Variants in PDE4B observed in about 807,000 individuals in gnomAD.
The protein encoded by PDE4B is 3',5'-cyclic-AMP phosphodiesterase 4B.
PDE4B carries 20 observed loss-of-function variants against 82.2 expected under a neutral mutation model. That is an observed-to-expected ratio of 0.24 (90% CI 0.17 to 0.35). PDE4B has a LOEUF of 0.35. Among genes scored for constraint, PDE4B ranks in the 10% least tolerant of loss-of-function variants. PDE4B has a pLI of 1.00. For synonymous variants in PDE4B, 320 were observed against 318.9 expected, an observed-to-expected ratio of 1.00 and a Z score of -0.04; for missense variants, 655 against 907.2, an observed-to-expected ratio of 0.72 and a Z score of 3.57.
At chr1:66,174,074 A>G (rs776024506) in intron 3 of PDE4B, among the ~76,000 whole-genome samples, 1 of 152,250 alleles carries the variant, frequency 6.6e-6, no homozygotes, top group Non-Finnish European at 1.5e-5. Flanking sequence ...GGTGTCAGCC[A>G]CTGCACCCAA....
intron 4 of PDE4B, among the ~76,000 whole-genome samples, 199 bp downstream of exon 4, chr1:66,247,853 G>A (rs1209552470): frequency 6.6e-6 from 1 of 152,128 alleles, no homozygotes; most frequent in Non-Finnish European, 1.5e-5. Flanking sequence ...GGGTCTCCAA[G>A]GGTTTTGGAA....
At chr1:65,945,695 T>C (rs1287467727) in intron 3 of PDE4B, among the ~76,000 whole-genome samples, 1 of 152,030 alleles carries the variant, frequency 6.6e-6, no homozygotes, top group Non-Finnish European at 1.5e-5. Context: ...CTACACTGTA[T>C]GTAAGACCAC....
intron 3 of PDE4B, among the ~76,000 whole-genome samples, chr1:66,096,686 T>G (rs914399169): frequency 6.6e-6 from 1 of 151,442 alleles, no homozygotes; most frequent in African/African-American, 2.4e-5. Context: ...AGTAAAATAT[T>G]CAAATTACAT....
At chr1:66,224,164 TG>T (rs71590344) in intron 3 of PDE4B, among the ~76,000 whole-genome samples, 28,819 of 152,128 alleles carry the variant, frequency 0.19, 2,878 homozygotes, top group Middle Eastern at 0.22. Context: ...CTCTTTCCAC[TG>T]CTTAGATTTC....
At chr1:66,212,048 C>G (rs1397194464) in intron 3 of PDE4B, among the ~76,000 whole-genome samples, 1 of 152,204 alleles carries the variant, frequency 6.6e-6, no homozygotes, top group African/African-American at 2.4e-5. Context: ...TCTCTGCCCT[C>G]TTTGTGCAGC....
In PDE4B at chr1:65,939,745, A is replaced by G. The variant is rs142444114; in HGVS notation, c.281+20910A>G. Among the ~76,000 whole-genome samples the G allele has an allele frequency of 2.4e-3, 360 of 152,250 alleles. 1 individual carries two copies. Among genetic ancestry groups the G allele is most frequent in the African/African-American group, 7.7e-3 (322 of 41,560 alleles). On this transcript the variant is annotated intron_variant, in intron 3 of 16. Transcript: ENST00000341517. ...TCAAAATAAGTACTAGTTGTAATTT[A>G]TATGCAAGGAAAAGCTTTGTAGACT...
chr1:66,289,866 C>T (rs1044264018), intron 7 of PDE4B, among the ~76,000 whole-genome samples: 5 of 151,822 alleles, frequency 3.3e-5, no homozygotes, highest in Non-Finnish European at 5.9e-5. Flanking sequence ...GGAAGTGGAC[C>T]GATGTGTAAT....
chr1:66,109,278 C>G (rs1645433873), intron 3 of PDE4B, among the ~76,000 whole-genome samples: 1 of 151,770 alleles, frequency 6.6e-6, no homozygotes, highest in Non-Finnish European at 1.5e-5. Context: ...TGAGATAATT[C>G]TTTGAGCAAA....
At chr1:66,098,455 A>G (rs762064805) in intron 3 of PDE4B, among the ~76,000 whole-genome samples, 4 of 152,062 alleles carry the variant, frequency 2.6e-5, no homozygotes, top group East Asian at 1.9e-4. Context: ...TAGATTTTCT[A>G]TTTCATTATT....
At chr1:65,931,008 T>A (rs1307655767) in intron 3 of PDE4B, among the ~76,000 whole-genome samples, 1 of 152,168 alleles carries the variant, frequency 6.6e-6, no homozygotes, top group African/African-American at 2.4e-5. Flanking sequence ...TGGGAGGTGA[T>A]TGGATCATGG....
intron 1 of PDE4B, among the ~76,000 whole-genome samples, chr1:65,825,739 T>TATCTATCTATCTATCTATCTA (rs1646009243): frequency 6.6e-6 from 1 of 151,970 alleles, no homozygotes; most frequent in African/African-American, 2.4e-5. Context: ...TCTATCTATC[T>TATCTATCTATCTATCTATCTA]ATCTATCTAT....
chr1:66,121,818 A>G (rs1042523736), intron 3 of PDE4B, among the ~76,000 whole-genome samples: 1 of 152,176 alleles, frequency 6.6e-6, no homozygotes, highest in East Asian at 1.9e-4. Flanking sequence ...ATGCTCAACA[A>G]CTTATTAGCT....
chr1:65,842,002 G>A (rs1295034693), intron 1 of PDE4B, among the ~76,000 whole-genome samples: 1 of 152,176 alleles, frequency 6.6e-6, no homozygotes, highest in East Asian at 1.9e-4. Flanking sequence ...TATCTAATTA[G>A]AAATATTAAA....
chr1:66,298,484 A>G (rs1429177787), intron 7 of PDE4B, among the ~76,000 whole-genome samples: 1 of 152,108 alleles, frequency 6.6e-6, no homozygotes, highest in Non-Finnish European at 1.5e-5. Context: ...AGTTGAACCT[A>G]TGGGGGATTT....
At chr1:66,256,195 A>G (rs2101699353) in intron 4 of PDE4B, among the ~76,000 whole-genome samples, 1 of 152,268 alleles carries the variant, frequency 6.6e-6, no homozygotes, top group East Asian at 1.9e-4. Flanking sequence ...CAAAATAATG[A>G]CAACAACAGC....
At chr1:66,367,614 G>A in intron 13 of PDE4B, 82 bp from the exon 14 acceptor site, 4 of 1,145,690 alleles carry the variant, frequency 3.5e-6, no homozygotes, top group Non-Finnish European at 5.0e-6. Context: ...GAGAGAACTA[G>A]GTCTGATTTC....
intron 3 of PDE4B, among the ~76,000 whole-genome samples, chr1:66,240,155 T>C (rs1307384669): frequency 6.6e-6 from 1 of 152,232 alleles, no homozygotes. Context: ...AAGAGATGAC[T>C]GAGTATCACC....
chr1:66,214,845 G>T (rs1650327936), intron 3 of PDE4B, among the ~76,000 whole-genome samples: 1 of 152,094 alleles, frequency 6.6e-6, no homozygotes, highest in South Asian at 2.1e-4. Context: ...ACTGGCAACA[G>T]CAGCCTGAGA....
intron 3 of PDE4B, among the ~76,000 whole-genome samples, chr1:65,944,663 C>T (rs556472890): frequency 1.1e-3 from 167 of 151,970 alleles, no homozygotes; most frequent in African/African-American, 3.9e-3. Context: ...ATGGAGATGA[C>T]CAGCCCTGAC....
Sources: gnomAD v4.1 joint callset for allele counts (sites outside exome capture counted in the v4.1 genomes callset) on GRCh38, gnomAD v4.1.1 for gene constraint, MANE v1.5 for transcripts, NCBI Gene and HGNC (gene_info 2026-07-23, HGNC 2026-07-21) for gene names.